The following SCN11A variants were observed in gnomAD, a reference collection of about 807,000 sequenced individuals.
SCN11A encodes the protein sodium voltage-gated channel alpha subunit 11.
Under a neutral mutation model 162.2 loss-of-function variants are expected in SCN11A, and 122 were observed. The ratio of observed to expected loss-of-function variants is 0.75; its 90% confidence interval spans 0.65 to 0.87. The LOEUF (loss-of-function observed/expected upper bound fraction) is 0.87. Ranked by LOEUF, SCN11A falls within the 40% of genes least tolerant of loss-of-function variation. SCN11A has a pLI of 0.00. For synonymous variants in SCN11A, 758 were observed against 751.5 expected (o/e 1.01, Z -0.14); for missense variants, 2,015 against 2,181.6 (o/e 0.92, Z 1.52).
intron 2 of SCN11A, among the ~76,000 whole-genome samples, chr3:39,022,413 T>C (rs1188455070): frequency 6.6e-6 from 1 of 152,224 alleles, no homozygotes; most frequent in African/African-American, 2.4e-5. Context: ...CCTGTCAGAA[T>C]GGCCATCCTG....
chr3:39,028,462 A>G (rs1233332948), intron 2 of SCN11A, among the ~76,000 whole-genome samples: 1 of 152,218 alleles, frequency 6.6e-6, no homozygotes, highest in Non-Finnish European at 1.5e-5. Context: ...TTGAGATTTT[A>G]TATTAATTAT....
chr3:38,970,185 C>T (rs373491961), intron 2 of SCN11A, among the ~76,000 whole-genome samples: 52 of 152,272 alleles, frequency 3.4e-4, no homozygotes, highest in East Asian at 1.5e-3. Flanking sequence ...TCTCTCTTGG[C>T]CTTCTAACCC....
intron 7 of SCN11A, among the ~76,000 whole-genome samples, chr3:38,933,159 G>A (rs1318938234): frequency 1.3e-5 from 2 of 152,138 alleles, no homozygotes; most frequent in Non-Finnish European, 2.9e-5. Context: ...CTGCAGCTGA[G>A]GGTCCTGTCT....
intron 1 of SCN11A, among the ~76,000 whole-genome samples, chr3:39,038,257 T>C (rs2125614984): frequency 6.6e-6 from 1 of 152,208 alleles, no homozygotes; most frequent in East Asian, 1.9e-4. Context: ...TAGCTCAGAG[T>C]TTCATGAGGT....
intron 1 of SCN11A, among the ~76,000 whole-genome samples, chr3:39,039,151 G>A (rs1463040609): frequency 6.6e-6 from 1 of 152,146 alleles, no homozygotes; most frequent in Admixed American, 6.5e-5. Flanking sequence ...ATGGTCAGAT[G>A]GCAGTCTCAG....
intron 9 of SCN11A, among the ~76,000 whole-genome samples, chr3:38,922,014 C>T (rs1404257330): frequency 6.6e-6 from 1 of 152,176 alleles, no homozygotes; most frequent in Non-Finnish European, 1.5e-5. Flanking sequence ...CCCCACTCAC[C>T]ACCATGGTAG....
At chr3:39,048,285 T>C (rs956200065) in intron 1 of SCN11A, among the ~76,000 whole-genome samples, 2 of 152,242 alleles carry the variant, frequency 1.3e-5, no homozygotes, top group Non-Finnish European at 2.9e-5. Context: ...AAATACTGCA[T>C]GTTCTCACCA....
intron 11 of SCN11A, among the ~76,000 whole-genome samples, chr3:38,911,106 T>C (rs1410955410): frequency 6.6e-6 from 1 of 152,200 alleles, no homozygotes; most frequent in African/African-American, 2.4e-5. Flanking sequence ...GATTTATCAA[T>C]TGTAGTTCGT....
At chr3:38,943,203 A>C (rs1030050084) in intron 7 of SCN11A, among the ~76,000 whole-genome samples, 1 of 152,234 alleles carries the variant, frequency 6.6e-6, no homozygotes, top group African/African-American at 2.4e-5. Context: ...AATGAAAGAA[A>C]CCAGATACAA....
Position 38,907,791 on chromosome 3 carries a change from G to A in SCN11A, c.1473+158C>T, listed in dbSNP as rs556832575. Among the ~76,000 whole-genome samples the A allele has an allele frequency of 2.6e-5, 4 of 152,176 alleles. No homozygotes were observed. The South Asian group carries it at 8.3e-4, about 32-fold the overall frequency. On this transcript the variant is annotated intron_variant, in intron 14 of 29. Transcript: ENST00000302328. ...TCTAAATTGATGTTTACAAATAAAT[G>A]GATAATTGAAAAGACACATGGATGC... is the stretch of plus-strand genomic sequence containing the variant.
intron 2 of SCN11A, among the ~76,000 whole-genome samples, chr3:38,998,621 G>A (rs1473588026): frequency 2.0e-5 from 3 of 152,008 alleles, no homozygotes; most frequent in Non-Finnish European, 2.9e-5. Context: ...TGTTTATTGC[G>A]ACACTATTCA....
chr3:38,935,091 A>G (rs906765124), intron 7 of SCN11A, among the ~76,000 whole-genome samples: 2 of 152,214 alleles, frequency 1.3e-5, no homozygotes, highest in Non-Finnish European at 2.9e-5. Context: ...AAACCGCTCA[A>G]CTACGTGGAA....
intron 2 of SCN11A, among the ~76,000 whole-genome samples, chr3:38,991,947 T>TA (rs1033167091): frequency 5.3e-4 from 81 of 152,204 alleles, no homozygotes; most frequent in African/African-American, 1.7e-3. Context: ...TAGCTGGGAT[T>TA]ACAGGCGTGC....
intron 10 of SCN11A, 87 bp downstream of exon 10, chr3:38,920,989 A>C (rs2066040633): frequency 1.6e-6 from 2 of 1,235,942 alleles, no homozygotes; most frequent in Non-Finnish European, 2.3e-6. Context: ...GAGACTCTGT[A>C]AGGGAAGTGT....
rs2066152476 is a variant in SCN11A, at chr3:38,926,933, T to C, written c.489-2A>G. 6.2e-7 allele frequency: 1 copy of C among 1,610,688 alleles called. No homozygotes were observed. The highest frequency in any genetic ancestry group is 8.5e-7 in the Non-Finnish European group (1 of 1,178,312). ...ATATAAATCCCAGTGAAGACACACC[T>C]AAAAAGCAAATCATTTACAACAGGA... On this transcript the variant is annotated splice_acceptor_variant, in intron 7 of 29. Coordinates refer to ENST00000302328, the MANE Select transcript of SCN11A (RefSeq NM_001349253.2). LOFTEE classifies it high-confidence loss of function.
At chr3:38,998,415 T>C (rs2030707728) in intron 2 of SCN11A, among the ~76,000 whole-genome samples, 1 of 152,218 alleles carries the variant, frequency 6.6e-6, no homozygotes, top group Non-Finnish European at 1.5e-5. Flanking sequence ...ACTTCTATGA[T>C]GCTTTTATGT....
chr3:38,904,178 T>G (rs1236192734), intron 15 of SCN11A, 75 bp from the exon 16 acceptor site: 20 of 841,746 alleles, frequency 2.4e-5, no homozygotes, highest in Non-Finnish European at 3.1e-5. Context: ...AGTGCATTCC[T>G]TCCTCCCTCT....
chr3:38,925,995 A>G (rs1482083320), intron 8 of SCN11A, among the ~76,000 whole-genome samples: 1 of 152,248 alleles, frequency 6.6e-6, no homozygotes, highest in African/African-American at 2.4e-5. Flanking sequence ...AAACTCTGAA[A>G]TTACTAGCAC....
At chr3:38,878,823 T>C (rs749457676) in intron 23 of SCN11A, among the ~76,000 whole-genome samples, 1 of 152,088 alleles carries the variant, frequency 6.6e-6, no homozygotes, top group African/African-American at 2.4e-5. Flanking sequence ...CCAACAACAT[T>C]ATGGTTCTCC....
Sources: gnomAD v4.1 joint callset for allele counts (sites outside exome capture counted in the v4.1 genomes callset) on GRCh38, gnomAD v4.1.1 for gene constraint, MANE v1.5 for transcripts, NCBI Gene and HGNC (gene_info 2026-07-23, HGNC 2026-07-21) for gene names.